Variants in WDR91 observed in about 807,000 individuals in gnomAD.
WDR91 encodes the protein WD repeat domain 91, also known as WD repeat-containing protein 91.
A neutral mutation model predicts 88.4 loss-of-function variants in WDR91; 52 were observed. That is an observed-to-expected ratio of 0.59 (90% CI 0.47 to 0.74). The LOEUF is 0.74. Among genes scored for constraint, WDR91 ranks in the 30% least tolerant of loss-of-function variants. The pLI is 0.00. For synonymous variants in WDR91, 362 were observed against 389.5 expected (o/e 0.93, Z 0.83); for missense variants, 824 against 954.5 (o/e 0.86, Z 1.80).
At chr7:135,203,716 T>A (rs572694102) in intron 6 of WDR91, among the ~76,000 whole-genome samples, 73 of 152,074 alleles carry the variant, frequency 4.8e-4, no homozygotes, top group Non-Finnish European at 9.1e-4. Context: ...ACCAAAACAG[T>A]CATAAGCCCT....
At chr7:135,187,374 A>G (rs1040691458) in intron 13 of WDR91, among the ~76,000 whole-genome samples, 1 of 152,246 alleles carries the variant, frequency 6.6e-6, no homozygotes, top group Non-Finnish European at 1.5e-5. Flanking sequence ...TCTGGTCAAC[A>G]TGATTTAAGC....
At chr7:135,205,869 A>AC (rs1831751666) in intron 5 of WDR91, 59 bp downstream of exon 5, 6 of 1,607,624 alleles carry the variant, frequency 3.7e-6, no homozygotes, top group Middle Eastern at 4.5e-4. Flanking sequence ...ATCAGAGGGA[A>AC]CTGTGGGGCT....
chr7:135,209,376 G>T (rs1831929475), intron 2 of WDR91, 200 bp downstream of exon 2: 2 of 491,506 alleles, frequency 4.1e-6, no homozygotes, highest in Non-Finnish European at 6.9e-6. Context: ...AAATAGGAAT[G>T]GGGAAGACAA....
Position 135,189,363 on chromosome 7 carries a change from A to C in WDR91, c.1749T>G (p.Asp583Glu). ...NGNLLVTGAA[D>E]GVIRLFDMQQ... is the part of the protein sequence containing the mutation. ...GCATACCAAACAGCCGGATGACGCC[A>C]TCAGCTGCCCCTGTGACCAGCAGGT... Residue 583 changes from aspartate to glutamate, a missense_variant, in exon 12 of 15, where the codon GAT becomes GAG. Asp to Glu is a conservative substitution (Grantham distance 45, BLOSUM62 2). Transcript: ENST00000354475. The C allele has an allele frequency of 6.2e-7, 1 of 1,613,802 alleles. No individual in the cohort carries two copies. The highest frequency in any genetic ancestry group is 1.7e-4 in the Middle Eastern group (1 of 6,002).
rs139693315 is a variant in WDR91, at chr7:135,198,132, G to A, written c.911C>T (p.Pro304Leu). The A allele has an allele frequency of 5.0e-4, 804 of 1,613,166 alleles. 6 individuals carry two copies. The East Asian group carries it at 0.011, about 22-fold the overall frequency. Residue 304 changes from proline to leucine, a missense_variant, in exon 7 of 15, where the codon CCG (proline) becomes CTG (leucine). By Grantham distance (98) the Pro-to-Leu change is moderately conservative. Coordinates refer to ENST00000354475, the MANE Select transcript of WDR91 (RefSeq NM_014149.4). ...CTTCCCATCCTTGGCTCCGGACGTC[G>A]GGTCCTTTCCCTTGGTGCCCTAGAG... is the stretch of plus-strand genomic sequence containing the variant. ...FGGQGTKGKD[P>L]TSGAKDGKSL...
chr7:135,195,063 T>C lies in WDR91; in HGVS notation c.1266A>G (p.Arg422=). 1 of 1,613,636 alleles carries C rather than the reference T, an allele frequency of 6.2e-7. No individual in the cohort carries two copies. Among genetic ancestry groups the C allele is most frequent in the Non-Finnish European group, 8.5e-7 (1 of 1,179,902 alleles). The part of the protein sequence containing the change: ...MHCRVDCSGR[R]VASLDVDGVI... ...CCCCATCTACGTCTAAGCTGGCGAC[T>C]CTCCTCCCAGAGCAGTCCACTCTGA... Residue 422 remains arginine, a synonymous_variant, in exon 9 of 15, where the codon AGA becomes AGG. Coordinates refer to ENST00000354475, the MANE Select transcript of WDR91 (RefSeq NM_014149.4).
Position 135,207,139 on chromosome 7 carries a change from T to A in WDR91, c.575A>T (p.Asn192Ile). 6.2e-7 allele frequency: 1 copy of A among 1,607,158 alleles called. No homozygotes were observed. The highest frequency in any genetic ancestry group is 1.3e-5 in the African/African-American group (1 of 74,812). ...ACAAACCTTCTGACGCAGAACTTCA[T>A]TTTCTTCTTGAACCTGGTTAGTCCT... ...CQRTNQVQEENEVLRQKLFAL... is the reference protein window; with the variant it reads ...CQRTNQVQEEIEVLRQKLFAL... The change falls in exon 4 of 15, where the codon AAT (asparagine) becomes ATT (isoleucine). Residue 192 changes from asparagine (N) to isoleucine (I), a missense_variant. By Grantham distance (149) the Asn-to-Ile change is moderately radical. Coordinates refer to ENST00000354475, the MANE Select transcript of WDR91 (RefSeq NM_014149.4).
chr7:135,207,962 A>G (rs977375290), intron 3 of WDR91, among the ~76,000 whole-genome samples: 1 of 152,234 alleles, frequency 6.6e-6, no homozygotes, highest in Non-Finnish European at 1.5e-5. Context: ...ACGGGGAAGA[A>G]ACAAGGCAGT....
At chr7:135,194,053 G>A (rs747831301) in intron 9 of WDR91, among the ~76,000 whole-genome samples, 1 of 151,952 alleles carries the variant, frequency 6.6e-6, no homozygotes, top group South Asian at 2.1e-4. Flanking sequence ...CAGCGTACTC[G>A]CTTCGGCTGC....
rs111716669 is a variant in WDR91, at chr7:135,195,194, A to G, written c.1245-110T>C. Reference sequence around the variant, plus strand: ...ACTTCCTTACTGTTTTAAAAAAACAATCCCTAGAGGTCTACATTCAAAGGA... The same window carrying G: ...ACTTCCTTACTGTTTTAAAAAAACAGTCCCTAGAGGTCTACATTCAAAGGA... On this transcript the variant is annotated intron_variant, in intron 8 of 14. Transcript: ENST00000354475. The G allele has an allele frequency of 3.5e-4, 410 of 1,158,824 alleles. 5 individuals are homozygous for G. The African/African-American group carries it at 4.9e-3, about 14-fold the overall frequency. 71.8% of individuals were successfully genotyped at this position (1,158,824 alleles called of 1,614,324 possible).
chr7:135,190,782 C>A (rs1327068776), intron 11 of WDR91, among the ~76,000 whole-genome samples: 1 of 152,040 alleles, frequency 6.6e-6, no homozygotes. Context: ...GAGAGATTAG[C>A]AAACTGATGG....
intron 6 of WDR91, among the ~76,000 whole-genome samples, chr7:135,203,363 T>A (rs138673751): frequency 6.6e-6 from 1 of 152,332 alleles, no homozygotes; most frequent in East Asian, 1.9e-4. Flanking sequence ...ACTATGACTA[T>A]TTATTTTATC....
At chr7:135,205,876 G>C in intron 5 of WDR91, 52 bp downstream of exon 5, 1 of 1,609,850 alleles carries the variant, frequency 6.2e-7, no homozygotes, top group South Asian at 1.1e-5. Flanking sequence ...GGAACTGTGG[G>C]GCTGAGAGCA....
In WDR91 at chr7:135,193,654, C is replaced by T. The variant is rs552493584; in HGVS notation, c.1414G>A (p.Val472Met). Reference sequence around the variant, plus strand: ...GTGTCATAGAGACGCACTGTTCCCACACCACTGCCCAGCAAGAGCTGGAAT... The same window carrying T: ...GTGTCATAGAGACGCACTGTTCCCATACCACTGCCCAGCAAGAGCTGGAAT... ...RDRLLLLGSG[V>M]GTVRLYDTEA... Residue 472 changes from valine to methionine, a missense_variant, in exon 10 of 15, where the codon GTG becomes ATG. Val to Met is a conservative substitution (Grantham distance 21). Transcript: ENST00000354475. 5 of 1,614,112 alleles carry T rather than the reference C, an allele frequency of 3.1e-6. No homozygotes were observed. The highest frequency in any genetic ancestry group is 1.6e-4 in the Middle Eastern group (1 of 6,062).
intron 6 of WDR91, chr7:135,199,035 C>T (rs1831476780): frequency 6.6e-6 from 1 of 152,208 alleles, no homozygotes; most frequent in Non-Finnish European, 1.5e-5. Context: ...AACAGCTACT[C>T]AGGTTTGAGA....
intron 11 of WDR91, 26 bp from the exon 12 acceptor site, chr7:135,189,478 G>C (rs936233081): frequency 6.3e-7 from 1 of 1,596,222 alleles, no homozygotes; most frequent in Non-Finnish European, 8.6e-7. Context: ...AAAAATGTCA[G>C]TAGCAGATCT....
chr7:135,193,642 G>T lies in WDR91; in HGVS notation c.1426C>A (p.Arg476Ser). The part of the protein sequence containing the change: ...LLLGSGVGTV[R>S]LYDTEAKKNL... ...TTCTTGGCTTCCGTGTCATAGAGAC[G>T]CACTGTTCCCACACCACTGCCCAGC... The change falls in exon 10 of 15, where the codon CGT (arginine) becomes AGT (serine). Residue 476 changes from arginine to serine, a missense_variant. By Grantham distance (110) the Arg-to-Ser change is moderately radical (BLOSUM62 -1). Coordinates refer to ENST00000354475, the MANE Select transcript of WDR91 (RefSeq NM_014149.4). 6.2e-7 allele frequency: 1 copy of T among 1,614,082 alleles called. No individual in the cohort carries two copies.
chr7:135,186,589 C>A (rs1180065518), intron 14 of WDR91, among the ~76,000 whole-genome samples: 1 of 152,244 alleles, frequency 6.6e-6, no homozygotes, highest in African/African-American at 2.4e-5. Flanking sequence ...GCCTCTTGCA[C>A]GCACACTGGT....
chr7:135,196,268 C>G lies in WDR91; in HGVS notation c.1120G>C (p.Val374Leu), dbSNP rs752884228. The stretch of plus-strand genomic sequence containing the variant: ...GAGGATGCCCGAGTCAGTGGCTCCA[C>G]TGGCTCCGTGTGGAGCTCTGGGCAG... ...EPCPELHTEP[V>L]EPLTRASSAG... Residue 374 changes from valine to leucine, a missense_variant, in exon 8 of 15, where the codon GTG becomes CTG. Val to Leu is a conservative substitution (Grantham distance 32). Transcript: ENST00000354475. The surrounding 1 kb of genome is among the most constrained non-coding windows in gnomAD (Gnocchi z 4.2). 1.2e-6 allele frequency: 2 copies of G among 1,611,922 alleles called. No homozygotes were observed. Among genetic ancestry groups the G allele is most frequent in the Admixed American group, 3.3e-5 (2 of 59,800 alleles).
Sources: allele counts gnomAD v4.1 joint callset (sites outside exome capture counted in the v4.1 genomes callset), GRCh38; gene constraint gnomAD v4.1.1; non-coding constraint Gnocchi (gnomAD v3.1); transcripts MANE v1.5; gene names NCBI Gene and HGNC (gene_info 2026-07-23, HGNC 2026-07-21).